GALK2: variants seen among roughly 807,000 people sequenced by gnomAD.
GALK2 encodes galactokinase 2.
In GALK2, 36 loss-of-function variants were observed where a neutral mutation model predicts 52.4. The ratio of observed to expected loss-of-function variants is 0.69; its 90% CI spans 0.53 to 0.91. The LOEUF is 0.91. GALK2 is among the 40% of genes least tolerant of loss of function. GALK2 has a pLI of 0.00. For synonymous variants in GALK2, 176 were observed against 199.1 expected, an observed-to-expected ratio of 0.88 and a Z score of 0.98; for missense variants, 579 against 559.1, an observed-to-expected ratio of 1.04 and a Z score of -0.36.
At chr15:49,261,273 G>T (rs1194520861) in intron 5 of GALK2, among the ~76,000 whole-genome samples, 3 of 148,010 alleles carry the variant, frequency 2.0e-5, no homozygotes, top group African/African-American at 7.6e-5. Flanking sequence ...TCCTTGAAGA[G>T]GTCCTTCACG....
At chr15:49,216,987 A>T (rs2089429237) in intron 2 of GALK2, among the ~76,000 whole-genome samples, 1 of 152,070 alleles carries the variant, frequency 6.6e-6, no homozygotes, top group African/African-American at 2.4e-5. Flanking sequence ...GGTTCTTATG[A>T]AGGTGTTTAT....
chr15:49,333,195 A>G (rs1448001358), downstream of GALK2, among the ~76,000 whole-genome samples: 2 of 152,172 alleles, frequency 1.3e-5, no homozygotes, highest in African/African-American at 4.8e-5. Flanking sequence ...AAATTGACCC[A>G]TTAAAGTGTA....
Position 49,171,736 on chromosome 15 carries a change from T to A in GALK2, c.53+1361T>A, listed in dbSNP as rs561284776. ...GCTTCCAATAAGATTAATGAGAAAT[T>A]TGTTACATGAAAATAACTTGATCTC... On this transcript the variant is annotated intron_variant, in intron 1 of 9. Transcript: ENST00000560031. Among the ~76,000 whole-genome samples the A allele has an allele frequency of 2.2e-4, 34 of 152,206 alleles. No homozygotes were observed. In the South Asian group the frequency reaches 7.1e-3, roughly 32 times the overall value.
intron 5 of GALK2, among the ~76,000 whole-genome samples, chr15:49,279,531 C>T (rs550221701): frequency 1.8e-4 from 27 of 152,318 alleles, no homozygotes; most frequent in African/African-American, 6.5e-4. Context: ...GGTTATATAT[C>T]TCTAAACCTC....
chr15:49,323,665 T>A (rs1486976730), intron 9 of GALK2, among the ~76,000 whole-genome samples: 2 of 152,104 alleles, frequency 1.3e-5, no homozygotes, highest in Admixed American at 6.6e-5. Flanking sequence ...TAAAAAGGCA[T>A]CTCCTACTTA....
chr15:49,215,959 G>C (rs2089332652), intron 2 of GALK2, among the ~76,000 whole-genome samples: 1 of 152,176 alleles, frequency 6.6e-6, no homozygotes, highest in African/African-American at 2.4e-5. Context: ...GGCACAAGGA[G>C]GTGCTCTAAG....
chr15:49,290,097 C>A (rs1202069041), intron 7 of GALK2, among the ~76,000 whole-genome samples: 1 of 152,218 alleles, frequency 6.6e-6, no homozygotes, highest in Non-Finnish European at 1.5e-5. Context: ...TGACTTATAG[C>A]CCTGCTTCAC....
intron 5 of GALK2, among the ~76,000 whole-genome samples, chr15:49,239,828 G>C (rs551323121): frequency 6.6e-6 from 1 of 152,292 alleles, no homozygotes; most frequent in African/African-American, 2.4e-5. Context: ...ATTACAAGAC[G>C]AAATGCTTAT....
chr15:49,285,088 C>T lies in GALK2; in HGVS notation c.756+1370C>T, dbSNP rs539288858. On this transcript the variant is annotated intron_variant, in intron 7 of 9. Transcript: ENST00000560031. ...TTACTCCTCTACCTCCCTCTTATTC[C>T]TTAATTTACTAAAATCTCACTTCTG... is the stretch of plus-strand genomic sequence containing the variant. Among the ~76,000 whole-genome samples, 19 of 152,230 alleles carry T rather than the reference C, an allele frequency of 1.2e-4. No homozygotes were observed. The South Asian group carries it at 3.5e-3, about 28-fold the overall frequency.
intron 8 of GALK2, among the ~76,000 whole-genome samples, chr15:49,293,819 G>C (rs573582243): frequency 6.6e-6 from 1 of 152,208 alleles, no homozygotes; most frequent in Admixed American, 6.5e-5. Context: ...CCAGCTTAAG[G>C]CCGGGTGCAG....
intron 3 of GALK2, among the ~76,000 whole-genome samples, chr15:49,342,671 C>T (rs1186314275): frequency 2.0e-5 from 3 of 152,102 alleles, no homozygotes; most frequent in African/African-American, 7.2e-5. Flanking sequence ...AGGTATCCTC[C>T]TTTGTCTTCC....
chr15:49,267,708 A>T (rs2092405332), intron 5 of GALK2, among the ~76,000 whole-genome samples: 1 of 152,060 alleles, frequency 6.6e-6, no homozygotes, highest in Admixed American at 6.5e-5. Flanking sequence ...TGGTCATATT[A>T]TAGATGTTTT....
At chr15:49,276,973 T>TTC (rs1391194560) in intron 5 of GALK2, among the ~76,000 whole-genome samples, 2 of 139,760 alleles carry the variant, frequency 1.4e-5, no homozygotes, top group South Asian at 2.4e-4. Flanking sequence ...TTCTTTTCTT[T>TTC]TTTTTTTTTT....
intron 1 of GALK2, chr15:49,156,805 CA>C: frequency 2.8e-6 from 2 of 709,250 alleles, no homozygotes; most frequent in Non-Finnish European, 2.2e-6. Flanking sequence ...CTTTTGAAGT[CA>C]AAATCTTCCC....
rs1245465549 is a variant in GALK2, at chr15:49,308,830, G to A, written c.968-10774G>A. On this transcript the variant is annotated intron_variant, in intron 8 of 9. Transcript: ENST00000560031. ...TTGGAACTTGGAAGGTTGCTCTGGA[G>A]AGAAGACTCAAATAGTTGTGGTATT... 2.0e-5 allele frequency among the ~76,000 whole-genome samples: 3 copies of A among 152,234 alleles called. No individual in the cohort carries two copies. The East Asian group carries it at 5.8e-4, about 29-fold the overall frequency.
intron 3 of GALK2, among the ~76,000 whole-genome samples, chr15:49,347,364 A>G (rs920410813): frequency 6.6e-6 from 1 of 152,160 alleles, no homozygotes; most frequent in Admixed American, 6.5e-5. Context: ...CAGCTTAGTG[A>G]TCTATGCTTT....
At chr15:49,224,156 G>T (rs998968654) in intron 3 of GALK2, among the ~76,000 whole-genome samples, 1 of 151,864 alleles carries the variant, frequency 6.6e-6, no homozygotes, top group Non-Finnish European at 1.5e-5. Flanking sequence ...AGAAGTGTTT[G>T]TTCATATACT....
At chr15:49,238,012 C>T (rs1005857239) in intron 4 of GALK2, among the ~76,000 whole-genome samples, 1 of 151,878 alleles carries the variant, frequency 6.6e-6, no homozygotes, top group South Asian at 2.1e-4. Flanking sequence ...TATTGTGGTG[C>T]GAGAATTTTG....
chr15:49,338,246 A>G (rs187991423), intron 3 of GALK2, among the ~76,000 whole-genome samples: 11 of 152,162 alleles, frequency 7.2e-5, no homozygotes, highest in Admixed American at 5.9e-4. Flanking sequence ...ACAATTTGGT[A>G]TGTTTTTGCA....
Sources: gnomAD v4.1 joint callset for allele counts (sites outside exome capture counted in the v4.1 genomes callset) on GRCh38, gnomAD v4.1.1 for gene constraint, MANE v1.5 for transcripts, NCBI Gene and HGNC (gene_info 2026-07-23, HGNC 2026-07-21) for gene names.